CSMD1: variants seen among roughly 807,000 people sequenced by gnomAD.
CSMD1 encodes the protein CUB and Sushi multiple domains 1.
CSMD1 carries 213 observed loss-of-function variants against 417.5 expected under a neutral mutation model. The ratio of observed to expected loss-of-function variants is 0.51; its 90% CI spans 0.46 to 0.57. The LOEUF (loss-of-function observed/expected upper bound fraction) is 0.57, where lower values mean the gene tolerates loss of function less well. CSMD1 is among the 20% of genes least tolerant of loss of function. CSMD1 has a pLI of 0.00. For missense variants in CSMD1, 6,923 were observed against 4,529.7 expected (o/e 1.53, Z -15.17); for synonymous variants, 2,862 against 1,736.8 (o/e 1.65, Z -16.11).
intron 3 of CSMD1, among the ~76,000 whole-genome samples, chr8:4,244,248 C>G (rs1802565084): frequency 6.6e-6 from 1 of 152,178 alleles, no homozygotes; most frequent in Admixed American, 6.5e-5. Context: ...AAACGTTCCA[C>G]AGAGCACAGG....
At chr8:3,678,009 C>T (rs954210491) in intron 7 of CSMD1, among the ~76,000 whole-genome samples, 1 of 152,086 alleles carries the variant, frequency 6.6e-6, no homozygotes, top group South Asian at 2.1e-4. Context: ...GGGTGTCTGC[C>T]TATCTTCAAA....
chr8:3,329,604 G>A (rs895112288), intron 23 of CSMD1, among the ~76,000 whole-genome samples: 3 of 152,092 alleles, frequency 2.0e-5, no homozygotes, highest in Admixed American at 6.5e-5. Flanking sequence ...CCATGAGTGC[G>A]TCCCCTTCAC....
At chr8:4,399,883 A>G (rs1804531710) in intron 3 of CSMD1, among the ~76,000 whole-genome samples, 2 of 152,192 alleles carry the variant, frequency 1.3e-5, no homozygotes, top group African/African-American at 4.8e-5. Flanking sequence ...AAAGTAGTAA[A>G]TATCATCATT....
intron 1 of CSMD1, among the ~76,000 whole-genome samples, chr8:4,750,297 T>C (rs1205448218): frequency 4.6e-5 from 7 of 152,278 alleles, no homozygotes; most frequent in East Asian, 1.9e-4. Context: ...TGAACCACCA[T>C]GCCCGGCCCT....
At chr8:4,366,179 G>C (rs1166356223) in intron 3 of CSMD1, among the ~76,000 whole-genome samples, 1 of 151,776 alleles carries the variant, frequency 6.6e-6, no homozygotes, top group Non-Finnish European at 1.5e-5. Flanking sequence ...GCAGCATTTG[G>C]TTTTCTGTCT....
intron 54 of CSMD1, 85 bp from the exon 55 acceptor site, chr8:2,978,885 T>A (rs922741485): frequency 1.9e-5 from 22 of 1,186,914 alleles, no homozygotes; most frequent in East Asian, 5.2e-5. Context: ...GAATTCCTCA[T>A]CATTTTAGAA....
rs905806656 is a variant in CSMD1, at chr8:4,811,214, G to A, written c.86-173656C>T. On this transcript the variant is annotated intron_variant, in intron 1 of 69. Transcript: ENST00000635120. ...TCATTTCTGGAAAATGGTGAATCAC[G>A]AGGTTCAACAAGAGAACTGAAGACA... Among the ~76,000 whole-genome samples, 13 of 152,204 alleles carry A rather than the reference G, an allele frequency of 8.5e-5. No individual in the cohort carries two copies. In the East Asian group the frequency reaches 1.7e-3, roughly 20 times the overall value.
chr8:4,359,035 G>A lies in CSMD1; in HGVS notation c.415+60918C>T, dbSNP rs139518647. Among the ~76,000 whole-genome samples, 532 of 152,190 alleles carry A rather than the reference G, an allele frequency of 3.5e-3. 1 individual carries two copies. The highest frequency in any genetic ancestry group is 5.7e-3 in the Admixed American group (87 of 15,268). On this transcript the variant is annotated intron_variant, in intron 3 of 69. Transcript: ENST00000635120. ...AATATATACATATATGCCTATATAT[G>A]TGGCAAAATCAATATACATGTGATA... is the stretch of plus-strand genomic sequence containing the variant.
intron 3 of CSMD1, among the ~76,000 whole-genome samples, chr8:4,064,944 T>C (rs1799168871): frequency 6.6e-6 from 1 of 151,880 alleles, no homozygotes. Flanking sequence ...AAAAAAACCT[T>C]ACCTCTAGAT....
chr8:4,192,052 G>A (rs571515049), intron 3 of CSMD1, among the ~76,000 whole-genome samples: 1 of 152,090 alleles, frequency 6.6e-6, no homozygotes, highest in African/African-American at 2.4e-5. Context: ...AAGTATTTGT[G>A]TTTTCATCTC....
At chr8:4,271,899 G>A (rs1313945415) in intron 3 of CSMD1, among the ~76,000 whole-genome samples, 2 of 152,122 alleles carry the variant, frequency 1.3e-5, no homozygotes, top group South Asian at 4.1e-4. Context: ...GTCCACAGGG[G>A]ATTGGTTCGA....
chr8:3,651,784 G>T (rs575317791), intron 7 of CSMD1, among the ~76,000 whole-genome samples: 79 of 149,876 alleles, frequency 5.3e-4, no homozygotes. Flanking sequence ...ACCACCATCA[G>T]AGCACCCACC....
chr8:3,190,277 C>G (rs887842718), intron 33 of CSMD1, among the ~76,000 whole-genome samples, 162 bp from the exon 34 acceptor site: 11 of 106,018 alleles, frequency 1.0e-4, no homozygotes, highest in Non-Finnish European at 2.0e-4. Context: ...GGCGCTGGGA[C>G]CACGCAGAGC....
chr8:3,568,675 C>T (rs1423650591), intron 10 of CSMD1, among the ~76,000 whole-genome samples: 1 of 151,960 alleles, frequency 6.6e-6, no homozygotes, highest in Admixed American at 6.6e-5. Flanking sequence ...CTCATTCCAG[C>T]TGATATACTG....
intron 41 of CSMD1, among the ~76,000 whole-genome samples, chr8:3,137,719 C>T (rs899751602): frequency 4.6e-5 from 7 of 152,252 alleles, no homozygotes; most frequent in Admixed American, 6.5e-5. Context: ...TATTCTGTAT[C>T]GCTCAGGGAA....
chr8:3,718,855 G>T (rs1209511935), intron 6 of CSMD1, among the ~76,000 whole-genome samples: 1 of 152,102 alleles, frequency 6.6e-6, no homozygotes, highest in Non-Finnish European at 1.5e-5. Flanking sequence ...GAAGCAGGTG[G>T]AATTTAAAGA....
intron 1 of CSMD1, among the ~76,000 whole-genome samples, chr8:4,956,204 C>G (rs1809097678): frequency 1.3e-5 from 2 of 150,948 alleles, no homozygotes; most frequent in Admixed American, 1.3e-4. Context: ...GATTTGTTTT[C>G]TTTTTAAGTT....
intron 3 of CSMD1, among the ~76,000 whole-genome samples, chr8:4,142,569 A>T (rs564372535): frequency 1.3e-5 from 2 of 151,388 alleles, no homozygotes; most frequent in Admixed American, 6.5e-5. Flanking sequence ...CATTTTTATT[A>T]TATGGTAGAA....
intron 3 of CSMD1, among the ~76,000 whole-genome samples, chr8:4,309,346 T>C (rs1352952078): frequency 6.6e-6 from 1 of 152,152 alleles, no homozygotes; most frequent in African/African-American, 2.4e-5. Context: ...GAAGTTTTTT[T>C]AGGAAAAAAA....
Sources: gnomAD v4.1 joint callset for allele counts (sites outside exome capture counted in the v4.1 genomes callset) on GRCh38, gnomAD v4.1.1 for gene constraint, MANE v1.5 for transcripts, NCBI Gene and HGNC (gene_info 2026-07-23, HGNC 2026-07-21) for gene names.